The following RBFOX3 variants were observed in gnomAD, a reference collection of about 807,000 sequenced individuals.
The protein encoded by RBFOX3 is RNA binding fox-1 homolog 3, also known as RNA binding protein fox-1 homolog 3.
Under a neutral mutation model 48.7 loss-of-function variants are expected in RBFOX3, and 17 were observed. The ratio of observed to expected loss-of-function variants is 0.35; its 90% confidence interval spans 0.24 to 0.52. The LOEUF (loss-of-function observed/expected upper bound fraction) is 0.52, where lower values mean the gene tolerates loss of function less well. RBFOX3 is among the 20% of genes least tolerant of loss of function. RBFOX3 has a pLI of 0.94. For missense variants in RBFOX3, 382 were observed against 497.5 expected (o/e 0.77, Z 2.21); for synonymous variants, 212 against 209.5 (o/e 1.01, Z -0.10).
chr17:79,592,751 G>C (rs940500506), intron 1 of RBFOX3, among the ~76,000 whole-genome samples: 1 of 152,186 alleles, frequency 6.6e-6, no homozygotes, highest in African/African-American at 2.4e-5. Flanking sequence ...CAAGGCTGTC[G>C]TCTGTTTCAG....
In RBFOX3 at chr17:79,517,237, G is replaced by C. The variant is rs2085368670; in HGVS notation, c.-319-34639C>G. Among the ~76,000 whole-genome samples, 7 of 152,196 alleles carry C rather than the reference G, an allele frequency of 4.6e-5. No individual in the cohort carries two copies. In the South Asian group the frequency reaches 1.5e-3, roughly 32 times the overall value. ...GAGGCAGGTGGATTACTTAAGGTCA[G>C]GAGTTTAAGACCAGCCTGACCGACA... On this transcript the variant is annotated intron_variant, in intron 1 of 14. Transcript: ENST00000693108.
the RBFOX3 span, among the ~76,000 whole-genome samples, chr17:79,653,883 C>CAAAAAAA: frequency 1.5e-5 from 1 of 66,574 alleles, no homozygotes; most frequent in African/African-American, 4.9e-5. Flanking sequence ...TCTCTACCAC[C>CAAAAAAA]AAAAAAAAAA....
chr17:79,418,179 C>T lies in RBFOX3; in HGVS notation c.-175+64275G>A, dbSNP rs1201924127. ...GATGAATGTACTTAATGCCACTGAA[C>T]AGTGCACTTAAAAATGGTTAAGATG... On this transcript the variant is annotated intron_variant, in intron 2 of 14. Transcript: ENST00000693108. The surrounding 1 kb of genome is among the most constrained non-coding windows in gnomAD (Gnocchi z 5.0). Among the ~76,000 whole-genome samples, 1 of 152,204 alleles carries T rather than the reference C, an allele frequency of 6.6e-6. No individual in the cohort carries two copies. The highest frequency in any genetic ancestry group is 2.4e-5 in the African/African-American group (1 of 41,462).
chr17:79,640,550 CA>C, the RBFOX3 span, among the ~76,000 whole-genome samples: 13,021 of 152,098 alleles, frequency 0.086, 717 homozygotes, highest in Middle Eastern at 0.15. Context: ...TTCTTGATTT[CA>C]AATATCACAA....
chr17:79,335,540 C>T (rs1380749490), intron 2 of RBFOX3, among the ~76,000 whole-genome samples: 2 of 152,200 alleles, frequency 1.3e-5, no homozygotes, highest in African/African-American at 4.8e-5. Flanking sequence ...TCCAGCCAGC[C>T]TCTCATCTCT....
chr17:79,591,252 T>C (rs2093408136), intron 1 of RBFOX3, among the ~76,000 whole-genome samples: 1 of 152,216 alleles, frequency 6.6e-6, no homozygotes, highest in Non-Finnish European at 1.5e-5. Flanking sequence ...CAGGTGTCGC[T>C]GGGGGCCAAG....
chr17:79,497,406 T>A (rs956055409), intron 1 of RBFOX3, among the ~76,000 whole-genome samples: 12 of 152,318 alleles, frequency 7.9e-5, no homozygotes, highest in Admixed American at 7.2e-4. Context: ...GAGTCTTTTA[T>A]TCAGCCAAAG....
chr17:79,240,930 CT>C (rs2062270115), intron 3 of RBFOX3, among the ~76,000 whole-genome samples: 2 of 151,876 alleles, frequency 1.3e-5, no homozygotes, highest in African/African-American at 4.8e-5. Flanking sequence ...TCCCAAAGTG[CT>C]GGGATTACAG....
chr17:79,232,679 A>T (rs2061173933), intron 4 of RBFOX3, among the ~76,000 whole-genome samples: 1 of 150,324 alleles, frequency 6.7e-6, no homozygotes, highest in Non-Finnish European at 1.5e-5. Context: ...ACTATAGAAG[A>T]TCTAGAAGAA....
intron 5 of RBFOX3, among the ~76,000 whole-genome samples, chr17:79,107,334 G>A (rs985899171): frequency 6.6e-6 from 1 of 152,212 alleles, no homozygotes; most frequent in African/African-American, 2.4e-5. Flanking sequence ...AACCTTTGGG[G>A]TTCACCTCCA....
chr17:79,153,671 A>T (rs1219666830), intron 4 of RBFOX3, among the ~76,000 whole-genome samples: 1 of 152,212 alleles, frequency 6.6e-6, no homozygotes, highest in Non-Finnish European at 1.5e-5. Flanking sequence ...CTGCACGGAC[A>T]TTATACACAC....
In RBFOX3 at chr17:79,390,356, C is replaced by T. The variant is rs765315653; in HGVS notation, c.-174-82532G>A. Among the ~76,000 whole-genome samples, 4 of 152,320 alleles carry T rather than the reference C, an allele frequency of 2.6e-5. No homozygotes were observed. The highest frequency in any genetic ancestry group is 4.1e-4 in the South Asian group (2 of 4,826). ...GCTTTGCCACGCTGTGGTTTCATCA[C>T]GACCATCACGGCCAGGTGACGGGTT... On this transcript the variant is annotated intron_variant, in intron 2 of 14. Coordinates refer to ENST00000693108, the MANE Select transcript of RBFOX3 (RefSeq NM_001350451.2). This position sits in a 1 kb window ranked among gnomAD's most constrained non-coding sequence, Gnocchi z 4.2.
intron 4 of RBFOX3, among the ~76,000 whole-genome samples, chr17:79,159,915 C>T (rs2046617174): frequency 1.3e-5 from 2 of 152,316 alleles, no homozygotes; most frequent in African/African-American, 4.8e-5. Flanking sequence ...GCATGCGTGT[C>T]CGCCGAGTGT....
chr17:79,523,882 C>G (rs1030251854), intron 1 of RBFOX3, among the ~76,000 whole-genome samples: 1 of 152,182 alleles, frequency 6.6e-6, no homozygotes, highest in Non-Finnish European at 1.5e-5. Flanking sequence ...CCTTATCCCC[C>G]ACAGCCTCTC....
chr17:79,287,044 C>T (rs949918095), intron 3 of RBFOX3, among the ~76,000 whole-genome samples: 2 of 152,256 alleles, frequency 1.3e-5, no homozygotes, highest in Non-Finnish European at 1.5e-5. Context: ...GCGGCCCTGA[C>T]GCAGCTCGAG....
intron 2 of RBFOX3, among the ~76,000 whole-genome samples, chr17:79,410,786 C>A (rs553461222): frequency 7.2e-5 from 11 of 152,288 alleles, no homozygotes; most frequent in African/African-American, 2.6e-4. Flanking sequence ...GCTTCCTGAG[C>A]TCTGCAATCC....
chr17:79,152,247 C>T (rs908774397), intron 4 of RBFOX3, among the ~76,000 whole-genome samples: 20 of 152,132 alleles, frequency 1.3e-4, no homozygotes, highest in Non-Finnish European at 2.6e-4. Context: ...TCTCTAGCAC[C>T]TGGGGCCTGG....
At chr17:79,657,650 G>T in the RBFOX3 span, among the ~76,000 whole-genome samples, 1 of 152,178 alleles carries the variant, frequency 6.6e-6, no homozygotes, top group South Asian at 2.1e-4. Context: ...TTGCTCTCCA[G>T]CCTGGGTAAC....
chr17:79,340,624 T>G (rs1199685994), intron 2 of RBFOX3, among the ~76,000 whole-genome samples: 2 of 152,098 alleles, frequency 1.3e-5, no homozygotes, highest in Admixed American at 1.3e-4. Flanking sequence ...GATGAGCATG[T>G]AATTATTGCC....
Sources: gnomAD v4.1 joint callset for allele counts (sites outside exome capture counted in the v4.1 genomes callset) on GRCh38, gnomAD v4.1.1 for gene constraint, Gnocchi (gnomAD v3.1) non-coding constraint, MANE v1.5 for transcripts, NCBI Gene and HGNC (gene_info 2026-07-23, HGNC 2026-07-21) for gene names.